The following HLCS variants were observed in gnomAD, a reference collection of about 807,000 sequenced individuals.
HLCS encodes the protein biotin--protein ligase.
A neutral mutation model predicts 75.0 loss-of-function variants in HLCS; 53 were observed. The observed-to-expected ratio is 0.71, with a 90% confidence interval of 0.57 to 0.89. HLCS has a LOEUF of 0.89. Ranked by LOEUF, HLCS falls within the 40% of genes least tolerant of loss-of-function variation. The pLI, the probability that HLCS is intolerant of heterozygous loss-of-function variation, is 0.00. For synonymous variants in HLCS, 431 were observed against 428.6 expected (o/e 1.01, Z -0.07); for missense variants, 966 against 1,074.0 (o/e 0.90, Z 1.41).
chr21:36,849,877 A>G (rs1003420717), intron 6 of HLCS, among the ~76,000 whole-genome samples: 2 of 152,234 alleles, frequency 1.3e-5, no homozygotes, highest in Non-Finnish European at 2.9e-5. Flanking sequence ...TAAAAGATGC[A>G]TGAGCTCACT....
chr21:36,879,780 C>T (rs1265985614), intron 6 of HLCS, among the ~76,000 whole-genome samples: 7 of 152,006 alleles, frequency 4.6e-5, no homozygotes, highest in South Asian at 2.1e-4. Context: ...CATGGTGGCA[C>T]GCGCCTGTAG....
chr21:36,982,807 G>A (rs1444825499), intron 1 of HLCS, among the ~76,000 whole-genome samples: 1 of 152,152 alleles, frequency 6.6e-6, no homozygotes, highest in Admixed American at 6.6e-5. Context: ...GAGGCAGGTG[G>A]ATCACGAGGT....
chr21:36,835,976 G>A (rs936955452), intron 6 of HLCS, among the ~76,000 whole-genome samples: 4 of 151,580 alleles, frequency 2.6e-5, no homozygotes, highest in Non-Finnish European at 5.9e-5. Flanking sequence ...CCACCACCCT[G>A]CCCACAACTA....
intron 6 of HLCS, among the ~76,000 whole-genome samples, chr21:36,844,154 A>C (rs2062714374): frequency 6.6e-6 from 1 of 152,216 alleles, no homozygotes; most frequent in South Asian, 2.1e-4. Context: ...TGTTTAGGGC[A>C]CAGAAACTAT....
At chr21:36,833,102 C>T (rs1191585926) in intron 6 of HLCS, among the ~76,000 whole-genome samples, 2 of 152,050 alleles carry the variant, frequency 1.3e-5, no homozygotes, top group Non-Finnish European at 2.9e-5. Context: ...TCCATAGCAG[C>T]CTTGACTTCC....
rs971397143 is a variant in HLCS at position 36,750,558 on chromosome 21, G to C, written c.*3688C>G. Among the ~76,000 whole-genome samples, 1 of 152,104 alleles carries C rather than the reference G, an allele frequency of 6.6e-6. No homozygotes were observed. Among genetic ancestry groups the C allele is most frequent in the Non-Finnish European group, 1.5e-5 (1 of 68,026 alleles). On this transcript the variant is annotated 3_prime_UTR_variant, in exon 11 of 11. Transcript: ENST00000674895. ...TCCGCCCTAAGCCCTAAGAGTGGGG[G>C]AGGTTTAATACGGCCAATGGATCTT...
chr21:36,856,583 A>G (rs1023114084), intron 6 of HLCS, among the ~76,000 whole-genome samples: 2 of 152,204 alleles, frequency 1.3e-5, no homozygotes, highest in Admixed American at 6.5e-5. Flanking sequence ...TCCAGACCCA[A>G]TTAACACACT....
At chr21:36,947,895 CTT>C (rs2067479746) in intron 2 of HLCS, 4 of 985,414 alleles carry the variant, frequency 4.1e-6, no homozygotes, top group East Asian at 1.1e-4. Context: ...TTTTCTGACT[CTT>C]GTTTCTCCTC....
rs181989786 is a variant in HLCS, at chr21:36,946,164, A to T, written c.331-7170T>A. The T allele has an allele frequency of 1.3e-3, 1,248 of 927,176 alleles. No individual in the cohort carries two copies. Among genetic ancestry groups the T allele is most frequent in the Non-Finnish European group, 1.5e-3 (1,184 of 776,910 alleles). 57.4% of individuals were successfully genotyped at this position (927,176 alleles called of 1,614,324 possible). A position where few individuals can be genotyped will look rare whatever the true frequency, so the allele number is the denominator to read the frequency against. ...TGGGCAAAAACCGAACCTGGCAGGGAATGGGGAGGTGAAAAAAATCTTAGA... is the reference window on the plus strand; with the variant it reads ...TGGGCAAAAACCGAACCTGGCAGGGTATGGGGAGGTGAAAAAAATCTTAGA... On this transcript the variant is annotated intron_variant, in intron 2 of 10. Coordinates refer to ENST00000674895, the MANE Select transcript of HLCS (RefSeq NM_001352514.2).
At chr21:36,847,852 A>G (rs1397477089) in intron 6 of HLCS, among the ~76,000 whole-genome samples, 1 of 152,208 alleles carries the variant, frequency 6.6e-6, no homozygotes, top group East Asian at 1.9e-4. Flanking sequence ...ACTGCCTTTC[A>G]TGTATTCTGG....
intron 6 of HLCS, among the ~76,000 whole-genome samples, chr21:36,815,633 T>C (rs923214052): frequency 6.6e-6 from 1 of 152,166 alleles, no homozygotes; most frequent in Non-Finnish European, 1.5e-5. Context: ...ATTCATCAAA[T>C]TGGTGCCCCT....
chr21:36,778,440 C>A (rs1221904979), intron 6 of HLCS, among the ~76,000 whole-genome samples: 1 of 152,002 alleles, frequency 6.6e-6, no homozygotes, highest in African/African-American at 2.4e-5. Flanking sequence ...CCACCATACC[C>A]AGCTAATTTT....
intron 5 of HLCS, among the ~76,000 whole-genome samples, chr21:36,900,975 C>T (rs151165109): frequency 0.015 from 2,302 of 152,174 alleles, 16 homozygotes; most frequent in Middle Eastern, 0.034. Context: ...AAAAATCCCA[C>T]GGGGGCTGGG....
In HLCS at chr21:36,883,501, C is replaced by T. The variant is rs549969111; in HGVS notation, c.1892+13359G>A. Reference sequence around the variant, plus strand: ...GTCAGACCTCAATCATGAACACTAACGTCTAAGAATATCTAAAAAAGTTTC... The same window carrying T: ...GTCAGACCTCAATCATGAACACTAATGTCTAAGAATATCTAAAAAAGTTTC... On this transcript the variant is annotated intron_variant, in intron 6 of 10. Coordinates refer to ENST00000674895, the MANE Select transcript of HLCS (RefSeq NM_001352514.2). Among the ~76,000 whole-genome samples, 289 of 152,338 alleles carry T rather than the reference C, an allele frequency of 1.9e-3. 2 individuals are homozygous for T. Among genetic ancestry groups the T allele is most frequent in the African/African-American group, 6.4e-3 (265 of 41,580 alleles).
At chr21:36,935,567 C>T (rs2066842535) in intron 4 of HLCS, among the ~76,000 whole-genome samples, 1 of 152,144 alleles carries the variant, frequency 6.6e-6, no homozygotes, top group Non-Finnish European at 1.5e-5. Context: ...TTACACTTAT[C>T]TTGGGAACTC....
rs2089359626 is a variant in HLCS, at chr21:36,751,415, T to C, written c.*2831A>G. 1 of 152,420 alleles carries C rather than the reference T, an allele frequency of 6.6e-6. No individual in the cohort carries two copies. Among genetic ancestry groups the C allele is most frequent in the South Asian group, 2.1e-4 (1 of 4,838 alleles). 9.4% of individuals were successfully genotyped at this position (152,420 alleles called of 1,614,324 possible). A position where few individuals can be genotyped will look rare whatever the true frequency, so the allele number is the denominator to read the frequency against. ...ACGGAAGCCCACCCTGCCTCCCTTT[T>C]CCATCTGAAGCAGTGCGGGGAGGCT... On this transcript the variant is annotated 3_prime_UTR_variant, in exon 11 of 11. Transcript: ENST00000674895.
chr21:36,869,193 C>T (rs987349474), intron 6 of HLCS, among the ~76,000 whole-genome samples: 2 of 151,980 alleles, frequency 1.3e-5, no homozygotes, highest in Non-Finnish European at 2.9e-5. Flanking sequence ...GGTGCGATCT[C>T]GGCTCACTGC....
rs548894683 is a variant in HLCS at position 36,989,236 on chromosome 21, C to T, written c.-393+922G>A. Among the ~76,000 whole-genome samples the T allele has an allele frequency of 2.7e-5, 4 of 150,304 alleles. No individual in the cohort carries two copies. In the East Asian group the frequency reaches 5.9e-4, roughly 22 times the overall value. On this transcript the variant is annotated intron_variant, in intron 1 of 11. Coordinates refer to the HLCS transcript ENST00000336648. The stretch of plus-strand genomic sequence containing the variant: ...TGTTGGCCAGGCTGGTCTCCAACTC[C>T]TGAACTCAAAGAGATTCTCCCACCT...
chr21:36,862,758 C>T (rs1470261419), intron 6 of HLCS, among the ~76,000 whole-genome samples: 3 of 152,036 alleles, frequency 2.0e-5, no homozygotes, highest in African/African-American at 7.3e-5. Context: ...GCTGATGAGC[C>T]TTATAGAGCC....
Sources: allele counts gnomAD v4.1 joint callset (sites outside exome capture counted in the v4.1 genomes callset), GRCh38; gene constraint gnomAD v4.1.1; transcripts MANE v1.5; gene names NCBI Gene and HGNC (gene_info 2026-07-23, HGNC 2026-07-21).